NBPF12: variants seen among roughly 807,000 people sequenced by gnomAD.
The protein encoded by NBPF12 is NBPF family member NBPF12.
In NBPF12, 115 loss-of-function variants were observed where a neutral mutation model predicts 146.4. The ratio of observed to expected loss-of-function variants is 0.79; its 90% CI spans 0.68 to 0.92. The LOEUF is 0.92. Ranked by LOEUF, NBPF12 falls within the 40% of genes least tolerant of loss-of-function variation. The pLI is 0.00. For synonymous variants in NBPF12, 385 were observed against 508.9 expected, an observed-to-expected ratio of 0.76 and a Z score of 3.28; for missense variants, 1,205 against 1,326.8, an observed-to-expected ratio of 0.91 and a Z score of 1.43.
chr1:146,964,703 T>C (rs1165376659), intron 7 of NBPF12, among the ~76,000 whole-genome samples, 190 bp from the exon 11 acceptor site: 1 of 151,962 alleles, frequency 6.6e-6, no homozygotes, highest in Non-Finnish European at 1.5e-5. Flanking sequence ...TCTCTTCCTC[T>C]CTGGCTCCCA....
chr1:146,939,326 C>T (rs1440891638), intron 1 of NBPF12, among the ~76,000 whole-genome samples: 2 of 152,054 alleles, frequency 1.3e-5, no homozygotes, highest in African/African-American at 2.4e-5. Context: ...ACCCTCGAGG[C>T]CGTTCCTTCT....
intron 10 of NBPF12, 127 bp downstream of exon 13, chr1:146,968,677 G>T (rs1656365005): frequency 2.5e-6 from 2 of 812,794 alleles, no homozygotes; most frequent in South Asian, 1.4e-5. Flanking sequence ...TGGCAGGCTC[G>T]CTACACACAA....
intron 19 of NBPF12, among the ~76,000 whole-genome samples, chr1:146,982,357 C>A (rs1559527283): frequency 1.0e-4 from 15 of 148,938 alleles, no homozygotes; most frequent in African/African-American, 3.5e-4. Flanking sequence ...CCACTCCAGA[C>A]CCTCAAACAG....
chr1:146,973,960 T>C (rs1236571288), intron 14 of NBPF12, among the ~76,000 whole-genome samples: 5 of 150,898 alleles, frequency 3.3e-5, no homozygotes, highest in Non-Finnish European at 7.4e-5. Context: ...TGGGCCTGTC[T>C]CCTGGGCTCC....
At chr1:146,962,292 C>T (rs1378875927) in intron 5 of NBPF12, 29 bp downstream of exon 8, 57 of 1,568,248 alleles carry the variant, frequency 3.6e-5, no homozygotes, top group Middle Eastern at 2.3e-4. Context: ...GGGAGGCAGG[C>T]GGGTAGGTGT....
chr1:146,964,523 C>G, intron 7 of NBPF12, 94 bp downstream of exon 10: 1 of 1,577,580 alleles, frequency 6.3e-7, no homozygotes, highest in Non-Finnish European at 8.7e-7. Flanking sequence ...GGGCCAAAAG[C>G]CCGCATTCCC....
At chr1:146,972,781 T>C in exon 14 of NBPF12, 1 of 1,246,310 alleles carries the variant, frequency 8.0e-7, no homozygotes, top group Non-Finnish European at 1.2e-6. Flanking sequence ...GCCACAAACG[T>C]CAGCATGGTG....
At chr1:146,955,852 C>T (rs1307056475) in intron 2 of NBPF12, among the ~76,000 whole-genome samples, 3 of 151,368 alleles carry the variant, frequency 2.0e-5, no homozygotes, top group Non-Finnish European at 2.9e-5. Context: ...CAGTAAAACT[C>T]GTTTAATACT....
rs1486309456 is a variant in NBPF12 at position 146,975,326 on chromosome 1, T to C, written c.1905-351T>C. Reference sequence around the variant, plus strand: ...TTTCTGTACATGGCTTTGTATCTAATGGCCGCAAGATGCACTATGTGTATT... The same window carrying C: ...TTTCTGTACATGGCTTTGTATCTAACGGCCGCAAGATGCACTATGTGTATT... On this transcript the variant is annotated intron_variant, in intron 15 of 33. Transcript: ENST00000617844. Among the ~76,000 whole-genome samples, 6 of 135,418 alleles carry C rather than the reference T, an allele frequency of 4.4e-5. No homozygotes were observed. In the Admixed American group the frequency reaches 4.6e-4, roughly 10 times the overall value. 88.8% of individuals were successfully genotyped at this position (135,418 alleles called of 152,430 possible).
chr1:146,969,698 C>T lies in NBPF12; in HGVS notation c.1306+102C>T, dbSNP rs1459789838. 1,810 of 1,558,832 alleles carry T rather than the reference C, an allele frequency of 1.2e-3. 57 individuals carry two copies. The African/African-American group carries it at 0.02, about 18-fold the overall frequency. ...ACAGTTGTATCAGTGGGGTTTTTTT[C>T]TACTACACATGTGTGGCCATGACAT... On this transcript the variant is annotated intron_variant, in intron 11 of 33. Coordinates refer to ENST00000617844, the Ensembl canonical transcript of NBPF12.
chr1:146,970,577 G>T, intron 11 of NBPF12, 70 bp from the exon 15 acceptor site: 5 of 1,551,478 alleles, frequency 3.2e-6, no homozygotes, highest in Non-Finnish European at 4.4e-6. Flanking sequence ...ATGTCTCTGT[G>T]CACGTTGGGC....
At chr1:146,947,318 G>A (rs1222190796), upstream of NBPF12, among the ~76,000 whole-genome samples, 1 of 150,628 alleles carries the variant, frequency 6.6e-6, no homozygotes, top group Non-Finnish European at 1.5e-5. Flanking sequence ...TCTCTTCCCT[G>A]TGACCTGTGA....
chr1:146,962,692 A>C lies in NBPF12; in HGVS notation c.279-403A>C, dbSNP rs1570840826. Among the ~76,000 whole-genome samples the C allele has an allele frequency of 2.0e-5, 3 of 147,262 alleles. No individual in the cohort carries two copies. The East Asian group carries it at 6.0e-4, about 29-fold the overall frequency. ...CATTCTTTTCTTCTTTCATCTTTTC[A>C]ATTCGCCCCATCTGCACCTGGCCTC... On this transcript the variant is annotated intron_variant, in intron 5 of 33. Coordinates refer to ENST00000617844, the Ensembl canonical transcript of NBPF12.
At chr1:146,966,603 C>G (rs1656228651) in exon 9 of NBPF12, 2 of 1,496,626 alleles carry the variant, frequency 1.3e-6, no homozygotes, top group Non-Finnish European at 1.9e-6. Context: ...AACAGCAGTT[C>G]AGAAGCCTCA....
In NBPF12 at chr1:146,956,058, TAGTG is replaced by T. The variant is rs1256453072; in HGVS notation, c.-183-3798_-183-3795del. Among the ~76,000 whole-genome samples, 45 of 151,934 alleles carry T rather than the reference TAGTG, an allele frequency of 3.0e-4. 1 individual carries two copies. In the South Asian group the frequency reaches 9.2e-3, roughly 31 times the overall value. The stretch of plus-strand genomic sequence containing the variant: ...AAACAGTTGTTAGGGAGGCCTGTGT[TAGTG>T]AGACCTGGCCTGCTACGTATGGATG... On this transcript the variant is annotated intron_variant, in intron 2 of 33. Transcript: ENST00000617844.
intron 19 of NBPF12, among the ~76,000 whole-genome samples, chr1:146,982,604 C>G (rs1559527345): frequency 1.3e-5 from 2 of 151,878 alleles, no homozygotes; most frequent in South Asian, 2.1e-4. Context: ...AAATTCAACC[C>G]AATTTATGCA....
chr1:146,971,187 A>G lies in NBPF12; in HGVS notation c.1384A>G (p.Met462Val), dbSNP rs1437545549. The change falls in exon 13 of 34, where the codon ATG becomes GTG. Residue 462 changes from methionine to valine, a missense_variant. Transcript: ENST00000617844. ...CTGTCCCACCTGGCTCATCAGGGAG[A>G]TGCAGAAGGCTGAAGAAAGCAAAGT... The G allele has an allele frequency of 1.7e-3, 2,666 of 1,610,320 alleles. 126 individuals carry two copies. The African/African-American group carries it at 0.029, about 18-fold the overall frequency.
At chr1:146,961,981 G>A (rs1344429458) in intron 4 of NBPF12, among the ~76,000 whole-genome samples, 180 bp from the exon 8 acceptor site, 2 of 152,022 alleles carry the variant, frequency 1.3e-5, no homozygotes, top group Non-Finnish European at 2.9e-5. Flanking sequence ...TTTAAATTTT[G>A]GAGGATCAGA....
At chr1:146,946,007 G>T (rs1406068058), upstream of NBPF12, among the ~76,000 whole-genome samples, 1 of 151,608 alleles carries the variant, frequency 6.6e-6, no homozygotes, top group Non-Finnish European at 1.5e-5. Flanking sequence ...CTATCTTTTT[G>T]ACTTTCCAAG....
Sources: gnomAD v4.1 joint callset for allele counts (sites outside exome capture counted in the v4.1 genomes callset) on GRCh38, gnomAD v4.1.1 for gene constraint, MANE v1.5 for transcripts, NCBI Gene and HGNC (gene_info 2026-07-23, HGNC 2026-07-21) for gene names.